Variants in RSPH14 observed in about 807,000 individuals in gnomAD.
RSPH14 encodes the protein rhabdoid tumor deletion region gene 1.
RSPH14 carries 20 observed loss-of-function variants against 26.7 expected under a neutral mutation model. That is an observed-to-expected ratio of 0.75 (90% confidence interval 0.53 to 1.09). RSPH14 has a LOEUF of 1.09. Ranked by LOEUF, RSPH14 falls within the 50% of genes least tolerant of loss-of-function variation. The pLI, the probability that RSPH14 is intolerant of heterozygous loss-of-function variation, is 0.00. For missense variants in RSPH14, 449 were observed against 457.2 expected (o/e 0.98, Z 0.16); for synonymous variants, 177 against 189.3 (o/e 0.93, Z 0.53).
chr22:23,146,283 A>G (rs2070765330), upstream of RSPH14, among the ~76,000 whole-genome samples: 1 of 152,162 alleles, frequency 6.6e-6, no homozygotes, highest in Admixed American at 6.5e-5. Context: ...TTCACGGTTC[A>G]CTGCACCCTT....
At chr22:23,076,283 G>T (rs2146255902) in intron 4 of RSPH14, among the ~76,000 whole-genome samples, 1 of 152,332 alleles carries the variant, frequency 6.6e-6, no homozygotes, top group Middle Eastern at 3.4e-3. Flanking sequence ...GTTTGTGTAA[G>T]CTCCATGAGG....
At chr22:23,072,733 A>C (rs2068410557) in intron 4 of RSPH14, among the ~76,000 whole-genome samples, 1 of 152,222 alleles carries the variant, frequency 6.6e-6, no homozygotes, top group Non-Finnish European at 1.5e-5. Context: ...GGGACCTGGC[A>C]TGTGACTGTG....
At chr22:23,135,788 C>G (rs1365174143) in intron 3 of RSPH14, among the ~76,000 whole-genome samples, 1 of 151,864 alleles carries the variant, frequency 6.6e-6, no homozygotes, top group Non-Finnish European at 1.5e-5. Flanking sequence ...TCTTCAGTTC[C>G]TTGCTTTGTA....
In RSPH14 at chr22:23,101,341, G is replaced by A. The variant is rs544815704; in HGVS notation, c.421+32685C>T. Among the ~76,000 whole-genome samples the A allele has an allele frequency of 2.0e-5, 3 of 152,290 alleles. No homozygotes were observed. In the South Asian group the frequency reaches 6.2e-4, roughly 32 times the overall value. ...CACCATACTGGTCCCACATCCTGTG[G>A]GTGCTGGGGTTCTCCAGCAAGGGCC... On this transcript the variant is annotated intron_variant, in intron 4 of 6. Transcript: ENST00000216036.
At chr22:23,145,315 G>T (rs377116903), upstream of RSPH14, 411 of 1,562,470 alleles carry the variant, frequency 2.6e-4, 3 homozygotes, top group Non-Finnish European at 3.4e-4. Context: ...GGGTGTCCAG[G>T]AGTCTCTCTG....
At chr22:23,063,481 G>C (rs2068133116) in intron 5 of RSPH14, among the ~76,000 whole-genome samples, 1 of 152,198 alleles carries the variant, frequency 6.6e-6, no homozygotes. Context: ...GACCTGGTGT[G>C]AGACACAAGA....
At position 23,059,583 on chromosome 22, in the gene RSPH14, A is replaced by G; in HGVS notation, c.926T>C (p.Leu309Pro). The change falls in exon 7 of 7, where the codon CTG (leucine) becomes CCG (proline). Residue 309 changes from leucine to proline, a missense_variant. Leu to Pro is a moderately conservative substitution (Grantham distance 98, BLOSUM62 -3). Transcript: ENST00000216036. The stretch of plus-strand genomic sequence containing the variant: ...ACGGAAAGTGGGCACGTGCGTCTGC[A>G]GGGCCTTGCGGCCCTCGGGGGCCTC... ...LAEAPEGRKA[L>P]QTHVPTFRAM... is the part of the protein sequence containing the mutation. 1.2e-6 allele frequency: 2 copies of G among 1,614,150 alleles called. No homozygotes were observed. The highest frequency in any genetic ancestry group is 1.7e-6 in the Non-Finnish European group (2 of 1,180,000).
intron 4 of RSPH14, among the ~76,000 whole-genome samples, chr22:23,102,086 C>T (rs1263659102): frequency 6.6e-6 from 1 of 152,242 alleles, no homozygotes; most frequent in Non-Finnish European, 1.5e-5. Flanking sequence ...CACTTGTGAA[C>T]AGCCCCTGCC....
Position 23,121,391 on chromosome 22 carries a change from C to A in RSPH14, c.421+12635G>T, listed in dbSNP as rs1044186099. ...CAGAGAACTCAGGGGCTCTGGAGAGCAGGGTTTCTATGCAGCATCCTCCTG... is the reference window on the plus strand; with the variant it reads ...CAGAGAACTCAGGGGCTCTGGAGAGAAGGGTTTCTATGCAGCATCCTCCTG... On this transcript the variant is annotated intron_variant, in intron 4 of 6. Coordinates refer to ENST00000216036, the MANE Select transcript of RSPH14 (RefSeq NM_014433.3). Among the ~76,000 whole-genome samples, 9 of 152,294 alleles carry A rather than the reference C, an allele frequency of 5.9e-5. No individual in the cohort carries two copies. The East Asian group carries it at 1.7e-3, about 29-fold the overall frequency.
At chr22:23,130,500 G>A (rs2070333757) in intron 4 of RSPH14, among the ~76,000 whole-genome samples, 1 of 128,358 alleles carries the variant, frequency 7.8e-6, no homozygotes, top group African/African-American at 2.9e-5. Context: ...GAAAGAAAAA[G>A]AAAGAAAGAA....
chr22:23,155,229 G>A, the RSPH14 span, among the ~76,000 whole-genome samples: 3 of 152,184 alleles, frequency 2.0e-5, no homozygotes, highest in African/African-American at 4.8e-5. Flanking sequence ...CTCAAAAAGC[G>A]ATGGATTGGG....
the RSPH14 span, among the ~76,000 whole-genome samples, chr22:23,175,578 C>G: frequency 6.6e-6 from 1 of 152,342 alleles, no homozygotes; most frequent in East Asian, 1.9e-4. Context: ...CGCCTAGCCT[C>G]CCAAAGTGCT....
chr22:23,150,251 G>A, the RSPH14 span: 2 of 992,980 alleles, frequency 2.0e-6, no homozygotes, highest in Non-Finnish European at 3.1e-6. Context: ...CACACACGAG[G>A]CTGGTGCAGC....
At chr22:23,145,360 G>A, upstream of RSPH14, 1 of 1,603,706 alleles carries the variant, frequency 6.2e-7, no homozygotes, top group Non-Finnish European at 8.5e-7. Context: ...GCAGGTTCTC[G>A]TTGCTATGGT....
chr22:23,096,257 A>G, intron 4 of RSPH14: 2 of 1,614,052 alleles, frequency 1.2e-6, no homozygotes, highest in Non-Finnish European at 1.7e-6. Flanking sequence ...CATTGTGGAG[A>G]ACAAGTTCAC....
chr22:23,077,707 C>T (rs1210313492), intron 4 of RSPH14, among the ~76,000 whole-genome samples: 5 of 152,150 alleles, frequency 3.3e-5, no homozygotes, highest in African/African-American at 1.2e-4. Flanking sequence ...GGCTATGGAG[C>T]AGCTAATCAG....
chr22:23,059,883 C>T (rs1410621613), intron 6 of RSPH14, among the ~76,000 whole-genome samples, 165 bp from the exon 7 acceptor site: 2 of 152,242 alleles, frequency 1.3e-5, no homozygotes, highest in East Asian at 1.9e-4. Flanking sequence ...CTTGCACCTT[C>T]GCTGAGTCCG....
At chr22:23,173,432 C>T in the RSPH14 span, among the ~76,000 whole-genome samples, 1 of 151,252 alleles carries the variant, frequency 6.6e-6, no homozygotes, top group Non-Finnish European at 1.5e-5. Context: ...CTGTGCCTGG[C>T]CTTCTTTTCA....
intron 4 of RSPH14, chr22:23,131,605 T>C: frequency 7.7e-7 from 1 of 1,303,762 alleles, no homozygotes; most frequent in Non-Finnish European, 1.0e-6. Context: ...AGAGGACTGG[T>C]TGAGAGCAGC....
Sources: gnomAD v4.1 joint callset for allele counts (sites outside exome capture counted in the v4.1 genomes callset) on GRCh38, gnomAD v4.1.1 for gene constraint, MANE v1.5 for transcripts, NCBI Gene and HGNC (gene_info 2026-07-23, HGNC 2026-07-21) for gene names.